Variants in MID1 observed in about 807,000 individuals in gnomAD.
The protein encoded by MID1 is E3 ubiquitin-protein ligase Midline-1.
In MID1, 7 loss-of-function variants were observed where a neutral mutation model predicts 40.4. The ratio of observed to expected loss-of-function variants is 0.17; its 90% CI spans 0.10 to 0.33. MID1 has a LOEUF of 0.33. MID1 is among the 10% of genes least tolerant of loss of function. The pLI, the probability that MID1 is intolerant of heterozygous loss-of-function variation, is 1.00. For synonymous variants in MID1, 229 were observed against 221.2 expected (o/e 1.04, Z -0.31); for missense variants, 367 against 558.5 (o/e 0.66, Z 3.46).
chrX:10,562,765 T>C (rs1376701234), intron 2 of MID1, among the ~76,000 whole-genome samples: 4 of 106,773 alleles, frequency 3.7e-5, no homozygotes, highest in East Asian at 2.8e-4. Context: ...GATGGGAATA[T>C]AGTTATTATT....
chrX:10,525,964 C>T (rs1032859379), intron 2 of MID1, among the ~76,000 whole-genome samples: 3 of 112,182 alleles, frequency 2.7e-5, no homozygotes, highest in African/African-American at 6.5e-5. Flanking sequence ...CTTTCATTTC[C>T]GGTCCTTGGA....
Position 10,454,963 on chromosome X carries a change from C to A in MID1, c.1562G>T (p.Arg521Leu), listed in dbSNP as rs369909019. ...SSSKKSHTPE[R>L]FTSQGSYGVA... ...TCCATAGCTCCCCTGGCTGGTGAAG[C>A]GTTCAGGTGTGTGACTCTTCTTGGA... The change falls in exon 9 of 10, where the codon CGC becomes CTC. Residue 521 changes from arginine to leucine, a missense_variant. Around this residue, in one of 3 missense-constraint regions of MID1, gnomAD observed 275 missense variants for 383.1 expected, o/e 0.72. Coordinates refer to ENST00000317552, the MANE Select transcript of MID1 (RefSeq NM_000381.4). 1.6e-5 allele frequency: 19 copies of A among 1,209,297 alleles called. No homozygotes were observed. The highest frequency in any genetic ancestry group is 2.1e-5 in the Non-Finnish European group (19 of 893,307).
intron 1 of MID1, among the ~76,000 whole-genome samples, chrX:10,749,410 G>C (rs1284187478): frequency 8.9e-6 from 1 of 111,959 alleles, no homozygotes; most frequent in East Asian, 2.8e-4. Flanking sequence ...CCTTTTACCA[G>C]GATGGTTTAT....
chrX:10,618,624 C>A (rs774196922), intron 1 of MID1, among the ~76,000 whole-genome samples: 42 of 111,231 alleles, frequency 3.8e-4, no homozygotes, highest in Middle Eastern at 9.1e-3. Context: ...GTACTTGTAC[C>A]CCTAAAATTT....
At chrX:10,572,386 C>T (rs1366260613) in intron 1 of MID1, among the ~76,000 whole-genome samples, 5 of 110,109 alleles carry the variant, frequency 4.5e-5, no homozygotes, top group African/African-American at 1.3e-4. Context: ...CCCGTCTCTA[C>T]TAAAAATACA....
intron 1 of MID1, among the ~76,000 whole-genome samples, chrX:10,608,769 T>C (rs1033124195): frequency 8.9e-6 from 1 of 112,263 alleles, no homozygotes; most frequent in African/African-American, 3.2e-5. Context: ...CAGTGTTATA[T>C]TCTCAGCCCT....
At chrX:10,748,551 T>C (rs1199710008) in intron 1 of MID1, among the ~76,000 whole-genome samples, 1 of 111,900 alleles carries the variant, frequency 8.9e-6, no homozygotes, top group Non-Finnish European at 1.9e-5. Context: ...AGTCATCACC[T>C]GAGAAATTTA....
At chrX:10,499,147 G>A (rs764113530) in intron 3 of MID1, among the ~76,000 whole-genome samples, 46 of 111,866 alleles carry the variant, frequency 4.1e-4, no homozygotes, top group Non-Finnish European at 7.7e-4. Context: ...TTTAGTGGGT[G>A]TGAAGTGGTA....
At chrX:10,582,171 A>G (rs760822616) in intron 1 of MID1, among the ~76,000 whole-genome samples, 1 of 111,270 alleles carries the variant, frequency 9.0e-6, no homozygotes, top group South Asian at 3.9e-4. Flanking sequence ...TACCTAAGCA[A>G]CTCCAAGCTT....
At chrX:10,590,436 C>T (rs1219887749) in intron 1 of MID1, among the ~76,000 whole-genome samples, 3 of 111,336 alleles carry the variant, frequency 2.7e-5, no homozygotes, top group African/African-American at 9.8e-5. Flanking sequence ...CACTCTTCCA[C>T]AGTGAAGCAA....
At chrX:10,533,390 GAAA>G in intron 2 of MID1, among the ~76,000 whole-genome samples, 1 of 36,005 alleles carries the variant, frequency 2.8e-5, no homozygotes, top group South Asian at 1.8e-3. Context: ...AAGAAAGAAA[GAAA>G]AGAAAGAAAG....
At chrX:10,532,333 A>AT (rs1230237694) in intron 2 of MID1, among the ~76,000 whole-genome samples, 1 of 111,813 alleles carries the variant, frequency 8.9e-6, no homozygotes, top group Non-Finnish European at 1.9e-5. Context: ...CTCTACAAAA[A>AT]CTTTTTTAAA....
At chrX:10,645,484 T>C (rs766779933) in intron 1 of MID1, among the ~76,000 whole-genome samples, 36 of 112,279 alleles carry the variant, frequency 3.2e-4, no homozygotes, top group Non-Finnish European at 4.1e-4. Context: ...GACTACAGTC[T>C]CTTTACAACT....
intron 3 of MID1, among the ~76,000 whole-genome samples, chrX:10,512,570 A>C (rs1440138626): frequency 8.9e-6 from 1 of 112,164 alleles, no homozygotes; most frequent in Non-Finnish European, 1.9e-5. Flanking sequence ...AAGTCCTATC[A>C]CTTTTTCTTT....
intron 1 of MID1, among the ~76,000 whole-genome samples, chrX:10,632,401 A>C (rs1335921313): frequency 9.0e-6 from 1 of 111,727 alleles, no homozygotes; most frequent in East Asian, 2.8e-4. Context: ...GAGATTTAAA[A>C]GATACGGGTG....
intron 2 of MID1, among the ~76,000 whole-genome samples, chrX:10,532,539 AAAAT>A (rs760891295): frequency 9.0e-6 from 1 of 111,195 alleles, no homozygotes; most frequent in Non-Finnish European, 1.9e-5. Context: ...CCTGTCTTTT[AAAAT>A]AAATAAATAA....
chrX:10,790,315 T>C (rs981746292), intron 1 of MID1, among the ~76,000 whole-genome samples: 6 of 109,877 alleles, frequency 5.5e-5, no homozygotes, highest in African/African-American at 2.0e-4. Context: ...TAATTTTTTT[T>C]ATTTTTAATT....
At chrX:10,533,343 A>AG (rs745791538) in intron 2 of MID1, among the ~76,000 whole-genome samples, 2 of 79,525 alleles carry the variant, frequency 2.5e-5, no homozygotes, top group Non-Finnish European at 4.7e-5. Context: ...AAAGAAAGAA[A>AG]GAAAGAAAGA....
intron 1 of MID1, among the ~76,000 whole-genome samples, chrX:10,586,983 C>T (rs943717489): frequency 8.9e-6 from 1 of 112,660 alleles, no homozygotes; most frequent in Non-Finnish European, 1.9e-5. Flanking sequence ...ATGTAGTTTA[C>T]TAATCTACAT....
Sources: allele counts gnomAD v4.1 joint callset (sites outside exome capture counted in the v4.1 genomes callset), GRCh38; gene constraint gnomAD v4.1.1; regional missense constraint gnomAD v4.1.1; transcripts MANE v1.5; gene names NCBI Gene and HGNC (gene_info 2026-07-23, HGNC 2026-07-21).